CPQ: variants seen among roughly 807,000 people sequenced by gnomAD.
The protein encoded by CPQ is carboxypeptidase Q, also known as Ser-Met dipeptidase.
In CPQ, 37 loss-of-function variants were observed where a neutral mutation model predicts 45.7. The observed-to-expected ratio is 0.81, with a 90% CI of 0.62 to 1.07. The LOEUF is 1.07. Ranked by LOEUF, CPQ falls within the 50% of genes least tolerant of loss-of-function variation. CPQ has a pLI of 0.00. For missense variants in CPQ, 537 were observed against 572.9 expected (o/e 0.94, Z 0.64); for synonymous variants, 186 against 205.8 (o/e 0.90, Z 0.82).
chr8:96,945,671 A>G (rs1311036412), intron 4 of CPQ, among the ~76,000 whole-genome samples: 1 of 151,956 alleles, frequency 6.6e-6, no homozygotes, highest in Non-Finnish European at 1.5e-5. Flanking sequence ...TGGAAGAATT[A>G]CAACATATTT....
At chr8:96,701,116 A>G (rs983588143) in intron 1 of CPQ, among the ~76,000 whole-genome samples, 2 of 152,180 alleles carry the variant, frequency 1.3e-5, no homozygotes, top group African/African-American at 4.8e-5. Context: ...TAACCTGGTT[A>G]TATACAATAT....
intron 3 of CPQ, among the ~76,000 whole-genome samples, chr8:96,872,558 A>G (rs1008841849): frequency 1.3e-5 from 2 of 151,958 alleles, no homozygotes; most frequent in Non-Finnish European, 2.9e-5. Context: ...TAATATTTAT[A>G]ATTTGAAAAT....
rs180839485 is a variant in CPQ, at chr8:96,744,544, T to C, written c.-34-40320T>C. The stretch of plus-strand genomic sequence containing the variant: ...TAAATTGTTATATCTTCTTGATGAA[T>C]TGAGATTTTTATGTAGTCATCTTTT... On this transcript the variant is annotated intron_variant, in intron 1 of 7. Coordinates refer to ENST00000220763, the MANE Select transcript of CPQ (RefSeq NM_016134.4). Among the ~76,000 whole-genome samples, 16 of 152,348 alleles carry C rather than the reference T, an allele frequency of 1.1e-4. No individual in the cohort carries two copies. In the East Asian group the frequency reaches 2.3e-3, roughly 22 times the overall value.
intron 1 of CPQ, among the ~76,000 whole-genome samples, chr8:96,776,114 A>G (rs550418164): frequency 1.3e-5 from 2 of 152,328 alleles, no homozygotes; most frequent in South Asian, 4.1e-4. Context: ...TGAATAAATA[A>G]CTGGAATGTA....
intron 7 of CPQ, among the ~76,000 whole-genome samples, chr8:97,075,259 C>T (rs775060000): frequency 2.0e-5 from 3 of 152,258 alleles, no homozygotes; most frequent in Middle Eastern, 3.4e-3. Context: ...TACCATTTTC[C>T]GTGCCTTCTA....
At chr8:96,958,912 GAA>G (rs34511194) in intron 4 of CPQ, among the ~76,000 whole-genome samples, 17 of 131,170 alleles carry the variant, frequency 1.3e-4, no homozygotes, top group African/African-American at 2.2e-4. Flanking sequence ...CAGCTTCACT[GAA>G]AAAAAAAAAA....
intron 4 of CPQ, among the ~76,000 whole-genome samples, chr8:96,948,653 G>A (rs1486557797): frequency 6.6e-6 from 1 of 151,968 alleles, no homozygotes; most frequent in African/African-American, 2.4e-5. Flanking sequence ...TATCTGTTAG[G>A]TCTGTTTGAT....
At chr8:96,939,735 A>G (rs1455079895) in intron 4 of CPQ, among the ~76,000 whole-genome samples, 1 of 152,070 alleles carries the variant, frequency 6.6e-6, no homozygotes, top group Non-Finnish European at 1.5e-5. Context: ...CTTTTGGGTC[A>G]TTTCCAGTTT....
chr8:96,770,921 C>T (rs1400141995), intron 1 of CPQ, among the ~76,000 whole-genome samples: 1 of 148,600 alleles, frequency 6.7e-6, no homozygotes, highest in African/African-American at 2.4e-5. Context: ...AAGAATAGTT[C>T]CCTCCTTATA....
intron 7 of CPQ, among the ~76,000 whole-genome samples, chr8:97,129,433 A>G (rs368756165): frequency 6.6e-6 from 1 of 152,342 alleles, no homozygotes; most frequent in East Asian, 1.9e-4. Context: ...TAATAATTAT[A>G]GAATCATTGT....
chr8:96,668,384 A>T (rs746392174), intron 1 of CPQ, among the ~76,000 whole-genome samples: 64 of 152,328 alleles, frequency 4.2e-4, no homozygotes, highest in Admixed American at 1.8e-3. Context: ...ATGACCAAGG[A>T]TGAGATCATT....
At chr8:96,894,383 C>T (rs1313614699) in intron 4 of CPQ, among the ~76,000 whole-genome samples, 5 of 152,144 alleles carry the variant, frequency 3.3e-5, no homozygotes, top group Non-Finnish European at 7.4e-5. Flanking sequence ...TGTGTCTAAG[C>T]TGTCACAAAA....
intron 4 of CPQ, among the ~76,000 whole-genome samples, chr8:96,959,932 C>T (rs1299578164): frequency 2.1e-5 from 3 of 144,290 alleles, no homozygotes; most frequent in Admixed American, 2.1e-4. Flanking sequence ...GAGTAGCTGT[C>T]TTTCTGGTTT....
chr8:96,885,191 G>A lies in CPQ; in HGVS notation c.849+5186G>A, dbSNP rs555454947. The stretch of plus-strand genomic sequence containing the variant: ...ATGCTGCATCATCCCATGGCAGAAG[G>A]TGGAAGGGCAAGAGATGGTGAGAGC... On this transcript the variant is annotated intron_variant, in intron 4 of 7. Coordinates refer to ENST00000220763, the MANE Select transcript of CPQ (RefSeq NM_016134.4). Among the ~76,000 whole-genome samples, 6 of 152,310 alleles carry A rather than the reference G, an allele frequency of 3.9e-5. No individual in the cohort carries two copies. The East Asian group carries it at 7.7e-4, about 20-fold the overall frequency.
At chr8:96,985,131 T>A (rs1813991270) in intron 5 of CPQ, among the ~76,000 whole-genome samples, 1 of 152,166 alleles carries the variant, frequency 6.6e-6, no homozygotes, top group Non-Finnish European at 1.5e-5. Flanking sequence ...TTCTGGCTCT[T>A]ATAGTTGTTC....
At chr8:96,816,760 A>G (rs1383752809) in intron 2 of CPQ, among the ~76,000 whole-genome samples, 1 of 152,062 alleles carries the variant, frequency 6.6e-6, no homozygotes, top group East Asian at 1.9e-4. Context: ...CTTCATCAGA[A>G]CTCCTGAGTG....
At chr8:96,846,861 T>C (rs1052931635) in intron 3 of CPQ, among the ~76,000 whole-genome samples, 1 of 152,218 alleles carries the variant, frequency 6.6e-6, no homozygotes, top group African/African-American at 2.4e-5. Context: ...TTACATTTAG[T>C]TGTCATAAAG....
chr8:97,099,658 A>C (rs1310699238), intron 7 of CPQ, among the ~76,000 whole-genome samples: 1 of 152,146 alleles, frequency 6.6e-6, no homozygotes. Flanking sequence ...AGGATCAAAG[A>C]AGGGAAAATA....
At chr8:96,958,177 A>G (rs914905631) in intron 4 of CPQ, among the ~76,000 whole-genome samples, 4 of 152,056 alleles carry the variant, frequency 2.6e-5, no homozygotes, top group African/African-American at 9.7e-5. Flanking sequence ...TTAGCATGAC[A>G]AAGGCCTGGG....
Sources: allele counts gnomAD v4.1 joint callset (sites outside exome capture counted in the v4.1 genomes callset), GRCh38; gene constraint gnomAD v4.1.1; transcripts MANE v1.5; gene names NCBI Gene and HGNC (gene_info 2026-07-23, HGNC 2026-07-21).